ST3GAL1: variants seen among roughly 807,000 people sequenced by gnomAD.
ST3GAL1 encodes the protein CMP-N-acetylneuraminate-beta-galactosamide-alpha-2,3-sialyltransferase 1.
Under a neutral mutation model 34.1 loss-of-function variants are expected in ST3GAL1, and 16 were observed. That is an observed-to-expected ratio of 0.47 (90% CI 0.32 to 0.71). The LOEUF is 0.71. Among genes scored for constraint, ST3GAL1 ranks in the 30% least tolerant of loss-of-function variants. The pLI is 0.04. For missense variants in ST3GAL1, 353 were observed against 447.4 expected (o/e 0.79, Z 1.90); for synonymous variants, 191 against 184.7 (o/e 1.03, Z -0.28).
intron 2 of ST3GAL1, among the ~76,000 whole-genome samples, chr8:133,537,373 G>C (rs1484457634): frequency 1.3e-5 from 2 of 152,140 alleles, no homozygotes; most frequent in Non-Finnish European, 2.9e-5. Context: ...CCTCTCTGGG[G>C]AGGATCTCAA....
chr8:133,535,836 G>C (rs1413870323), intron 2 of ST3GAL1, among the ~76,000 whole-genome samples: 1 of 152,106 alleles, frequency 6.6e-6, no homozygotes, highest in African/African-American at 2.4e-5. Flanking sequence ...TGTTGTTTTA[G>C]ACATAATGCT....
At chr8:133,532,698 C>T (rs1043500239) in intron 2 of ST3GAL1, among the ~76,000 whole-genome samples, 10 of 152,162 alleles carry the variant, frequency 6.6e-5, no homozygotes, top group African/African-American at 2.4e-4. Flanking sequence ...CTCTGCTGTT[C>T]CTCAGTACCG....
chr8:133,496,672 G>A (rs1320840099), intron 3 of ST3GAL1, among the ~76,000 whole-genome samples: 1 of 152,188 alleles, frequency 6.6e-6, no homozygotes, highest in Admixed American at 6.5e-5. Context: ...TGGCCCTGCT[G>A]TGGAGCCCAG....
At chr8:133,520,824 T>C (rs962336331) in intron 2 of ST3GAL1, among the ~76,000 whole-genome samples, 2 of 150,350 alleles carry the variant, frequency 1.3e-5, no homozygotes, top group African/African-American at 2.4e-5. Flanking sequence ...CAGGCTAAAG[T>C]GCTATGGTGC....
chr8:133,492,674 A>G (rs976963443), intron 3 of ST3GAL1, among the ~76,000 whole-genome samples: 3 of 152,188 alleles, frequency 2.0e-5, no homozygotes, highest in Non-Finnish European at 2.9e-5. Context: ...GTGAGCTGAG[A>G]TCGCACCACT....
chr8:133,484,297 T>A (rs888645871), intron 3 of ST3GAL1, among the ~76,000 whole-genome samples: 1 of 152,158 alleles, frequency 6.6e-6, no homozygotes, highest in Non-Finnish European at 1.5e-5. Context: ...TCTTCAAAGG[T>A]TCACATGAGA....
At position 133,496,860 on chromosome 8, in the gene ST3GAL1, C is replaced by T. The variant is rs530745161; in HGVS notation, c.-374+2275G>A. ...TTTTTCCCAAATACCACCCCTCTTC[C>T]GAGTTCTTGGCCCCAGGAGCCCTTC... On this transcript the variant is annotated intron_variant, in intron 3 of 9. Transcript: ENST00000522652. Among the ~76,000 whole-genome samples the T allele has an allele frequency of 3.3e-5, 5 of 152,332 alleles. No homozygotes were observed. The East Asian group carries it at 5.8e-4, about 18-fold the overall frequency.
intron 2 of ST3GAL1, among the ~76,000 whole-genome samples, chr8:133,540,924 T>TATATAGACATATATATATAGAC (rs1563734225): frequency 2.6e-5 from 2 of 75,890 alleles, no homozygotes; most frequent in Non-Finnish European, 5.0e-5. Flanking sequence ...TATAGACATA[T>TATATAGACATATATATATAGAC]ATATATAGAC....
intron 2 of ST3GAL1, among the ~76,000 whole-genome samples, chr8:133,526,681 G>C (rs901300307): frequency 6.6e-6 from 1 of 152,176 alleles, no homozygotes; most frequent in Non-Finnish European, 1.5e-5. Flanking sequence ...ACAGTGCCTG[G>C]GGTAGAAATA....
chr8:133,540,850 T>TAGAGACATATATAG (rs1563734066), intron 2 of ST3GAL1, among the ~76,000 whole-genome samples: 3 of 115,518 alleles, frequency 2.6e-5, no homozygotes, highest in Non-Finnish European at 5.6e-5. Context: ...GACATATATA[T>TAGAGACATATATAG]AGAGACATAT....
Position 133,456,420 on chromosome 8 carries a change from T to G in ST3GAL1, c.*3344A>C, listed in dbSNP as rs1217710903. ...TCCCTGCCTGAATGCAGGGCCAGTC[T>G]CCAAGGAACTCTGTCTGCAGAGTAG... On this transcript the variant is annotated 3_prime_UTR_variant, in exon 10 of 10. Coordinates refer to ENST00000522652, the MANE Select transcript of ST3GAL1 (RefSeq NM_173344.3). 1 of 152,210 alleles carries G rather than the reference T, an allele frequency of 6.6e-6. No homozygotes were observed. The allele number at this position is 152,210 out of a possible 1,614,324, so 9.4% of individuals were successfully genotyped here.
chr8:133,537,366 C>G (rs993813757), intron 2 of ST3GAL1, among the ~76,000 whole-genome samples: 1 of 152,128 alleles, frequency 6.6e-6, no homozygotes, highest in African/African-American at 2.4e-5. Context: ...GTAGGACCCT[C>G]TCTGGGGAGG....
At chr8:133,548,971 C>T (rs537569658) in intron 1 of ST3GAL1, among the ~76,000 whole-genome samples, 10 of 152,274 alleles carry the variant, frequency 6.6e-5, no homozygotes, top group South Asian at 2.1e-4. Context: ...TTTATAACTC[C>T]GCAGAAGCTC....
chr8:133,560,015 A>C (rs1228224244), intron 1 of ST3GAL1, among the ~76,000 whole-genome samples: 3 of 152,228 alleles, frequency 2.0e-5, no homozygotes, highest in Non-Finnish European at 4.4e-5. Context: ...ACAAAATTAC[A>C]GATAGGAGGA....
At position 133,508,528 on chromosome 8, in the gene ST3GAL1, C is replaced by A. The variant is rs1316808322; in HGVS notation, c.-428-9339G>T. Among the ~76,000 whole-genome samples the A allele has an allele frequency of 6.6e-6, 1 of 152,124 alleles. No individual in the cohort carries two copies. The highest frequency in any genetic ancestry group is 6.5e-5 in the Admixed American group (1 of 15,268). On this transcript the variant is annotated intron_variant, in intron 2 of 9. Transcript: ENST00000522652. The surrounding 1 kb of genome is among the most constrained non-coding windows in gnomAD (Gnocchi z 4.1). Reference sequence around the variant, plus strand: ...CACGGAGTCCCAGACTCAGGTTCTACAGGGAGGAAACTGAGATCCCTGTTT... The same window carrying A: ...CACGGAGTCCCAGACTCAGGTTCTAAAGGGAGGAAACTGAGATCCCTGTTT...
chr8:133,476,097 G>GA, intron 4 of ST3GAL1, 23 bp from the exon 5 acceptor site: 3 of 1,482,726 alleles, frequency 2.0e-6, no homozygotes, highest in Non-Finnish European at 2.7e-6. Flanking sequence ...AAAAATGGAA[G>GA]AAAAATCCCA....
intron 3 of ST3GAL1, among the ~76,000 whole-genome samples, chr8:133,477,635 G>A (rs1273154577): frequency 6.6e-6 from 1 of 152,024 alleles, no homozygotes; most frequent in Non-Finnish European, 1.5e-5. Context: ...TAGAGCAAGG[G>A]GGGAGTATTC....
chr8:133,548,293 C>T (rs1386263120), intron 1 of ST3GAL1, among the ~76,000 whole-genome samples: 1 of 152,180 alleles, frequency 6.6e-6, no homozygotes, highest in Non-Finnish European at 1.5e-5. Flanking sequence ...GCCTCCCTCC[C>T]TTGCATCACT....
intron 2 of ST3GAL1, among the ~76,000 whole-genome samples, chr8:133,530,262 C>G (rs1818110316): frequency 6.8e-6 from 1 of 146,376 alleles, no homozygotes. Context: ...GTCCTGAGGC[C>G]TTCTTTTTTT....
Sources: gnomAD v4.1 joint callset for allele counts (sites outside exome capture counted in the v4.1 genomes callset) on GRCh38, gnomAD v4.1.1 for gene constraint, Gnocchi (gnomAD v3.1) non-coding constraint, MANE v1.5 for transcripts, NCBI Gene and HGNC (gene_info 2026-07-23, HGNC 2026-07-21) for gene names.